Variants in SH2B3 observed in about 807,000 individuals in gnomAD.
SH2B3 encodes the protein SH2B adapter protein 3.
SH2B3 carries 43 observed loss-of-function variants against 51.9 expected under a neutral mutation model. The observed-to-expected ratio is 0.83, with a 90% CI of 0.65 to 1.07. SH2B3 has a LOEUF of 1.07. Ranked by LOEUF, SH2B3 falls within the 50% of genes least tolerant of loss-of-function variation. The pLI is 0.00. For synonymous variants in SH2B3, 396 were observed against 376.0 expected (o/e 1.05, Z -0.62); for missense variants, 952 against 834.3 (o/e 1.14, Z -1.74).
Position 111,429,661 on chromosome 12 carries a change from C to T in SH2B3, c.732+10784C>T, listed in dbSNP as rs1291186176. 6.6e-6 allele frequency among the ~76,000 whole-genome samples: 1 copy of T among 152,208 alleles called. No homozygotes were observed. The highest frequency in any genetic ancestry group is 1.5e-5 in the Non-Finnish European group (1 of 68,034). Reference sequence around the variant, plus strand: ...TTTTTATTAATTGGTTTTCATGTGACAGGCACTGTGTCCGCCACATCCCAT... The same window carrying T: ...TTTTTATTAATTGGTTTTCATGTGATAGGCACTGTGTCCGCCACATCCCAT... On this transcript the variant is annotated intron_variant, in intron 2 of 7. Transcript: ENST00000341259. This position sits in a 1 kb window ranked among gnomAD's most constrained non-coding sequence, Gnocchi z 4.4.
intron 3 of SH2B3, 42 bp from the exon 4 acceptor site, chr12:111,446,899 AC>A: frequency 1.9e-6 from 3 of 1,602,890 alleles, no homozygotes; most frequent in Non-Finnish European, 2.6e-6. Context: ...ACAAATACAT[AC>A]ACATACAGCA....
chr12:111,432,155 G>C (rs1418490198), intron 2 of SH2B3, among the ~76,000 whole-genome samples: 1 of 148,282 alleles, frequency 6.7e-6, no homozygotes, highest in Non-Finnish European at 1.5e-5. Context: ...AGGTTCAAGC[G>C]ATTCTCGTGC....
Position 111,407,654 on chromosome 12 carries a change from C to T in SH2B3, c.-28+1377C>T, listed in dbSNP as rs571313216. On this transcript the variant is annotated intron_variant, in intron 1 of 7. Coordinates refer to ENST00000341259, the MANE Select transcript of SH2B3 (RefSeq NM_005475.3). The surrounding 1 kb of genome is among the most constrained non-coding windows in gnomAD (Gnocchi z 4.3). ...GGGTTTTTAGTGCACTTTTCCTGAG[C>T]CTTTTCCCACTACCCCCTCTGGGAG... 2.6e-5 allele frequency among the ~76,000 whole-genome samples: 4 copies of T among 152,326 alleles called. No individual in the cohort carries two copies. The East Asian group carries it at 7.7e-4, about 29-fold the overall frequency.
chr12:111,448,270 C>A lies in SH2B3; in HGVS notation c.1696C>A (p.Arg566=), dbSNP rs72650662. The part of the protein sequence containing the change: ...EMDSSSRSHL[R]AIDNQYTPL Reference sequence around the variant, plus strand: ...GGACTCATCCTCCCGGAGCCACCTGCGGGCCATAGACAATCAGTACACACC... The same window carrying A: ...GGACTCATCCTCCCGGAGCCACCTGAGGGCCATAGACAATCAGTACACACC... The change falls in exon 8 of 8, where the codon CGG becomes AGG. Residue 566 remains arginine (R), a synonymous_variant. Transcript: ENST00000341259. 9.3e-6 allele frequency: 15 copies of A among 1,613,614 alleles called. No homozygotes were observed. The Admixed American group carries it at 2.3e-4, about 25-fold the overall frequency.
At chr12:111,426,177 C>CA (rs1404570072) in intron 2 of SH2B3, among the ~76,000 whole-genome samples, 1 of 152,064 alleles carries the variant, frequency 6.6e-6, no homozygotes, top group Non-Finnish European at 1.5e-5. Flanking sequence ...TCCTTCCTCC[C>CA]AGTGTAGGGC....
At chr12:111,442,184 G>T (rs1873478243) in intron 2 of SH2B3, among the ~76,000 whole-genome samples, 2 of 152,164 alleles carry the variant, frequency 1.3e-5, no homozygotes, top group Admixed American at 1.3e-4. Flanking sequence ...AGCCATCCAG[G>T]ACAGGATCTG....
chr12:111,413,810 T>C (rs1870886679), intron 1 of SH2B3, among the ~76,000 whole-genome samples: 1 of 152,232 alleles, frequency 6.6e-6, no homozygotes, highest in African/African-American at 2.4e-5. Flanking sequence ...GAACTCAGTC[T>C]GTTGGAGAGA....
chr12:111,417,903 G>A (rs969286296), intron 1 of SH2B3, among the ~76,000 whole-genome samples: 1 of 152,144 alleles, frequency 6.6e-6, no homozygotes, highest in Non-Finnish European at 1.5e-5. Flanking sequence ...TACTTCAAAA[G>A]CAGGATTCCA....
intron 2 of SH2B3, among the ~76,000 whole-genome samples, chr12:111,427,186 G>GAGC (rs1448038696): frequency 6.6e-6 from 1 of 152,006 alleles, no homozygotes; most frequent in Non-Finnish European, 1.5e-5. Flanking sequence ...AGGAGTTCAA[G>GAGC]AGCAGCCTGG....
chr12:111,405,204 G>A (rs967234614), upstream of SH2B3, among the ~76,000 whole-genome samples: 2 of 152,222 alleles, frequency 1.3e-5, no homozygotes, highest in Admixed American at 6.5e-5. The surrounding 1 kb of genome is among the most constrained non-coding windows in gnomAD (Gnocchi z 5.4). Flanking sequence ...CCTGGAGAAA[G>A]ATGCACCCCT....
chr12:111,419,907 G>T (rs1871401020), intron 2 of SH2B3, among the ~76,000 whole-genome samples: 1 of 152,190 alleles, frequency 6.6e-6, no homozygotes, highest in Non-Finnish European at 1.5e-5. Context: ...GGCGCCTCTT[G>T]GCTGTAACAG....
In SH2B3 at chr12:111,447,358, G is replaced by A. The variant is rs371880618; in HGVS notation, c.1050G>A (p.Pro350=). The change falls in exon 6 of 8, where the codon CCG becomes CCA. Residue 350 remains proline (P), a synonymous_variant. Coordinates refer to ENST00000341259, the MANE Select transcript of SH2B3 (RefSeq NM_005475.3). ...QGASPGGLLD[P]ACQKTDHFLS... is the part of the protein sequence containing the mutation. ...CTTCTCCTGGGGGGCTGCTGGACCC[G>A]GCCTGCCAGAAGACGGACCATTTCC... The A allele has an allele frequency of 1.9e-4, 307 of 1,613,982 alleles. 1 individual carries two copies. In the South Asian group the frequency reaches 2.3e-3, roughly 12 times the overall value.
In SH2B3 at chr12:111,409,849, G is replaced by A. The variant is rs1371225546; in HGVS notation, c.-28+3572G>A. On this transcript the variant is annotated intron_variant, in intron 1 of 7. Coordinates refer to ENST00000341259, the MANE Select transcript of SH2B3 (RefSeq NM_005475.3). This position sits in a 1 kb window ranked among gnomAD's most constrained non-coding sequence, Gnocchi z 4.0. ...CACTAGCCATCCTTCCTCCCAGCAG[G>A]GGCAGAGGACACTTCCCCAGGGGAA... Among the ~76,000 whole-genome samples the A allele has an allele frequency of 6.6e-6, 1 of 152,222 alleles. No individual in the cohort carries two copies. The highest frequency in any genetic ancestry group is 2.4e-5 in the African/African-American group (1 of 41,458).
chr12:111,446,646 ACT>A, intron 2 of SH2B3, 105 bp from the exon 3 acceptor site: 2 of 636,078 alleles, frequency 3.1e-6, no homozygotes, highest in Non-Finnish European at 5.5e-6. Flanking sequence ...CACCATGGAT[ACT>A]CTCTCTAAAA....
intron 2 of SH2B3, among the ~76,000 whole-genome samples, chr12:111,430,602 G>C (rs1439666755): frequency 6.6e-6 from 1 of 152,138 alleles, no homozygotes; most frequent in Admixed American, 6.5e-5. Flanking sequence ...TCAGGGTCCA[G>C]GGGCGAAGGG....
At position 111,410,770 on chromosome 12, in the gene SH2B3, C is replaced by T. The variant is rs1870637224; in HGVS notation, c.-28+4493C>T. Among the ~76,000 whole-genome samples, 1 of 152,244 alleles carries T rather than the reference C, an allele frequency of 6.6e-6. No homozygotes were observed. The highest frequency in any genetic ancestry group is 1.5e-5 in the Non-Finnish European group (1 of 68,046). The stretch of plus-strand genomic sequence containing the variant: ...TTCGCCCCCTGCTTCCCGTGGGCAT[C>T]TCTGCGTCTGGCAACTTGAATGCTG... On this transcript the variant is annotated intron_variant, in intron 1 of 7. Transcript: ENST00000341259. The surrounding 1 kb of genome is among the most constrained non-coding windows in gnomAD (Gnocchi z 4.9).
Position 111,435,078 on chromosome 12 carries a change from A to G in SH2B3, c.733-11675A>G. 7.0e-7 allele frequency: 1 copy of G among 1,429,348 alleles called. No homozygotes were observed. The highest frequency in any genetic ancestry group is 9.5e-7 in the Non-Finnish European group (1 of 1,052,702). The allele number at this position is 1,429,348 out of a possible 1,614,324, so 88.5% of individuals were successfully genotyped here. A position where few individuals can be genotyped will look rare whatever the true frequency, so the allele number is the denominator to read the frequency against. ...GGCTTTGGGGATCTTGGTGGTGATG[A>G]GTCCCCTCTCCTCTGGTGCACTCTC... is the stretch of plus-strand genomic sequence containing the variant. On this transcript the variant is annotated intron_variant, in intron 2 of 7. Transcript: ENST00000341259. This position sits in a 1 kb window ranked among gnomAD's most constrained non-coding sequence, Gnocchi z 4.8.
At position 111,418,171 on chromosome 12, in the gene SH2B3, C is replaced by G; in HGVS notation, c.26C>G (p.Ser9Cys). Residue 9 changes from serine to cysteine, a missense_variant, in exon 2 of 8, where the codon TCC becomes TGC. Transcript: ENST00000341259. This position sits in a 1 kb window ranked among gnomAD's most constrained non-coding sequence, Gnocchi z 6.7. ...ATGAACGGGCCTGCCCTGCAGCCCTCCTCGCCCTCTTCCGCGCCCTCAGCC... is the reference window on the plus strand; with the variant it reads ...ATGAACGGGCCTGCCCTGCAGCCCTGCTCGCCCTCTTCCGCGCCCTCAGCC... Reference protein sequence around the residue: MNGPALQPSSPSSAPSASP... With the variant: MNGPALQPCSPSSAPSASP... 1 of 1,551,216 alleles carries G rather than the reference C, an allele frequency of 6.4e-7. No individual in the cohort carries two copies. Among genetic ancestry groups the G allele is most frequent in the Middle Eastern group, 2.3e-4 (1 of 4,318 alleles).
At chr12:111,422,567 T>G (rs1435740782) in intron 2 of SH2B3, among the ~76,000 whole-genome samples, 1 of 151,844 alleles carries the variant, frequency 6.6e-6, no homozygotes, top group Non-Finnish European at 1.5e-5. Context: ...AGTTTTGTTT[T>G]TTTTTTTTCT....
Sources: allele counts gnomAD v4.1 joint callset (sites outside exome capture counted in the v4.1 genomes callset), GRCh38; gene constraint gnomAD v4.1.1; non-coding constraint Gnocchi (gnomAD v3.1); transcripts MANE v1.5; gene names NCBI Gene and HGNC (gene_info 2026-07-23, HGNC 2026-07-21).